The following WDR47 variants were observed in gnomAD, a reference collection of about 807,000 sequenced individuals.
WDR47 encodes the protein WD repeat domain 47.
In WDR47, 32 loss-of-function variants were observed where a neutral mutation model predicts 97.2. That is an observed-to-expected ratio of 0.33 (90% CI 0.25 to 0.44). WDR47 has a LOEUF of 0.44. Among genes scored for constraint, WDR47 ranks in the 20% least tolerant of loss-of-function variants. The pLI is 1.00. For synonymous variants in WDR47, 375 were observed against 373.5 expected, an observed-to-expected ratio of 1.00 and a Z score of -0.05; for missense variants, 782 against 1,102.3, an observed-to-expected ratio of 0.71 and a Z score of 4.11.
intron 2 of WDR47, among the ~76,000 whole-genome samples, chr1:109,021,270 G>A (rs914796481): frequency 2.0e-5 from 3 of 152,142 alleles, no homozygotes; most frequent in Non-Finnish European, 4.4e-5. Flanking sequence ...GCTCATGTCT[G>A]TAATCCCAGC....
At chr1:108,998,438 G>A (rs765069740) in intron 7 of WDR47, among the ~76,000 whole-genome samples, 17 of 151,880 alleles carry the variant, frequency 1.1e-4, no homozygotes, top group Non-Finnish European at 2.2e-4. Context: ...GGAGGAAGAC[G>A]TTGCAGTGAG....
chr1:108,973,621 T>A (rs954703336), intron 14 of WDR47, among the ~76,000 whole-genome samples: 2 of 152,160 alleles, frequency 1.3e-5, no homozygotes, highest in African/African-American at 4.8e-5. Context: ...TATAAATAAA[T>A]GTTGATTTTA....
intron 10 of WDR47, among the ~76,000 whole-genome samples, chr1:108,984,561 A>T (rs1658615418): frequency 6.6e-6 from 1 of 152,184 alleles, no homozygotes. Context: ...AAGACTGACA[A>T]ATCTCTAATA....
chr1:109,039,138 G>A (rs1355837314), intron 1 of WDR47, among the ~76,000 whole-genome samples: 3 of 152,154 alleles, frequency 2.0e-5, no homozygotes, highest in Admixed American at 6.6e-5. Context: ...TGAGTGATGA[G>A]CATTTACTAT....
chr1:108,970,245 A>G lies in WDR47; in HGVS notation c.*1185T>C, dbSNP rs1657358393. The G allele has an allele frequency of 6.5e-6, 1 of 152,674 alleles. No homozygotes were observed. Among genetic ancestry groups the G allele is most frequent in the Admixed American group, 6.6e-5 (1 of 15,266 alleles). The allele number at this position is 152,674 out of a possible 1,614,324, so 9.5% of individuals were successfully genotyped here. The stretch of plus-strand genomic sequence containing the variant: ...ATGTCAAGAGGTCTTTATTGAAATA[A>G]TAGCACAGTTACACTTCTAATACCC... On this transcript the variant is annotated 3_prime_UTR_variant, in exon 15 of 15. Transcript: ENST00000369962.
intron 14 of WDR47, among the ~76,000 whole-genome samples, chr1:108,973,825 G>GT (rs1164915456): frequency 6.6e-6 from 1 of 151,972 alleles, no homozygotes; most frequent in African/African-American, 2.4e-5. Flanking sequence ...CAAGGGTGTA[G>GT]TGAGCAATAA....
chr1:109,033,688 A>G (rs540726328), intron 1 of WDR47, among the ~76,000 whole-genome samples: 1 of 152,390 alleles, frequency 6.6e-6, no homozygotes, highest in Non-Finnish European at 1.5e-5. Context: ...TGGGAGGCCA[A>G]GGCGGGCAGA....
rs1184139930 is a variant in WDR47, at chr1:109,002,325, C to T, written c.1332G>A (p.Glu444=). 2 of 1,613,228 alleles carry T rather than the reference C, an allele frequency of 1.2e-6. No individual in the cohort carries two copies. Among genetic ancestry groups the T allele is most frequent in the Admixed American group, 1.7e-5 (1 of 59,964 alleles). Residue 444 remains glutamate, a synonymous_variant, in exon 7 of 15, where the codon GAG becomes GAA. Coordinates refer to ENST00000369962, the MANE Select transcript of WDR47 (RefSeq NM_001142551.2). Reference sequence around the variant, plus strand: ...TCTGTTGGTATATCTGCCGCTGTTGCTCCTTCTGTTCTAAATGCTGTTGAT... The same window carrying T: ...TCTGTTGGTATATCTGCCGCTGTTGTTCCTTCTGTTCTAAATGCTGTTGAT... The part of the protein sequence containing the change: ...LRYQQHLEQK[E]QQRQIYQQML...
intron 10 of WDR47, among the ~76,000 whole-genome samples, chr1:108,984,081 G>A (rs1658571996): frequency 6.6e-6 from 1 of 152,094 alleles, no homozygotes; most frequent in African/African-American, 2.4e-5. Context: ...TGAGCATGCA[G>A]CAATGGAAAG....
chr1:108,983,316 C>G lies in WDR47; in HGVS notation c.2061G>C (p.Val687=). The G allele has an allele frequency of 6.2e-7, 1 of 1,612,264 alleles. No individual in the cohort carries two copies. Among genetic ancestry groups the G allele is most frequent in the Non-Finnish European group, 8.5e-7 (1 of 1,179,164 alleles). Residue 687 remains valine (V), a synonymous_variant, in exon 11 of 15, where the codon GTG becomes GTC. Coordinates refer to ENST00000369962, the MANE Select transcript of WDR47 (RefSeq NM_001142551.2). ...ATGSNDKYVK[V]LPFNAETCNA... ...TACAAGTCTCTGCATTGAAGGGCAG[C>G]ACTTTGACGTATTTGTCATTTGATC...
intron 9 of WDR47, among the ~76,000 whole-genome samples, chr1:108,990,627 T>C (rs557939786): frequency 2.0e-5 from 3 of 152,322 alleles, no homozygotes; most frequent in East Asian, 3.9e-4. Flanking sequence ...ATTTATGTTA[T>C]CTATTTCATC....
At position 108,995,854 on chromosome 1, in the gene WDR47, T is replaced by C; in HGVS notation, c.1434-17A>G. The C allele has an allele frequency of 1.2e-6, 2 of 1,605,194 alleles. No individual in the cohort carries two copies. Among genetic ancestry groups the C allele is most frequent in the Non-Finnish European group, 1.7e-6 (2 of 1,174,946 alleles). ...TGAATGGACCTATAAAATTAAACAA[T>C]GTAATCATTTTAAAATAAAAACTTA... On this transcript the variant is annotated splice_polypyrimidine_tract_variant and intron_variant, in intron 7 of 14. Coordinates refer to ENST00000369962, the MANE Select transcript of WDR47 (RefSeq NM_001142551.2).
chr1:108,977,633 C>G (rs996931844), intron 13 of WDR47, among the ~76,000 whole-genome samples: 8 of 152,122 alleles, frequency 5.3e-5, no homozygotes, highest in African/African-American at 1.9e-4. Context: ...GGGCAGATCA[C>G]CTGAGGTCAG....
intron 5 of WDR47, among the ~76,000 whole-genome samples, chr1:109,009,930 G>A (rs1011692702): frequency 1.3e-5 from 2 of 151,822 alleles, no homozygotes; most frequent in African/African-American, 2.4e-5. Flanking sequence ...CCCGGGAGAC[G>A]GAGGTTGCAG....
At chr1:109,023,889 ACTC>A (rs1318590098) in intron 1 of WDR47, among the ~76,000 whole-genome samples, 1 of 152,188 alleles carries the variant, frequency 6.6e-6, no homozygotes, top group Non-Finnish European at 1.5e-5. Context: ...AATCCTGTCT[ACTC>A]CTACATGTTT....
At chr1:109,039,728 A>C (rs1663213562) in intron 1 of WDR47, among the ~76,000 whole-genome samples, 1 of 152,020 alleles carries the variant, frequency 6.6e-6, no homozygotes. Context: ...ACCTGGGTTC[A>C]AGTCTTCTGT....
chr1:108,976,383 A>C (rs569954038), intron 13 of WDR47, among the ~76,000 whole-genome samples: 41 of 151,898 alleles, frequency 2.7e-4, no homozygotes, highest in African/African-American at 8.0e-4. Context: ...AAAAAAAAAA[A>C]CAGTAAGGAA....
intron 13 of WDR47, among the ~76,000 whole-genome samples, chr1:108,980,052 G>A (rs191273599): frequency 2.6e-5 from 4 of 152,218 alleles, no homozygotes; most frequent in Admixed American, 6.5e-5. Context: ...TCTAGGTTGC[G>A]TGCTCCTTAT....
chr1:108,992,548 A>T (rs925830663), intron 8 of WDR47: 1 of 1,507,048 alleles, frequency 6.6e-7, no homozygotes, highest in Admixed American at 1.7e-5. Flanking sequence ...AGAGTGCTGA[A>T]TTTTTGCTGC....
Sources: allele counts gnomAD v4.1 joint callset (sites outside exome capture counted in the v4.1 genomes callset), GRCh38; gene constraint gnomAD v4.1.1; transcripts MANE v1.5; gene names NCBI Gene and HGNC (gene_info 2026-07-23, HGNC 2026-07-21).